LIX1L: variants seen among roughly 807,000 people sequenced by gnomAD.
The protein encoded by LIX1L is limb and CNS expressed 1 like, also known as LIX1-like protein.
LIX1L carries 20 observed loss-of-function variants against 34.0 expected under a neutral mutation model. That is an observed-to-expected ratio of 0.59 (90% CI 0.41 to 0.85). The LOEUF (loss-of-function observed/expected upper bound fraction) is 0.85. LIX1L is among the 40% of genes least tolerant of loss of function. The probability of loss-of-function intolerance (pLI) is 0.00; values close to 1 mark genes in which losing one functional copy is unlikely to be tolerated. For synonymous variants in LIX1L, 170 were observed against 187.4 expected (o/e 0.91, Z 0.76); for missense variants, 397 against 447.0 (o/e 0.89, Z 1.01).
At position 145,936,199 on chromosome 1, in the gene LIX1L, A is replaced by G. The variant is rs1648635074; in HGVS notation, c.*111T>C. Reference sequence around the variant, plus strand: ...AGGTGTAGAATTTATACACATATATATTTTTTAAAGTATAAAAATGAGAAA... The same window carrying G: ...AGGTGTAGAATTTATACACATATATGTTTTTTAAAGTATAAAAATGAGAAA... On this transcript the variant is annotated 3_prime_UTR_variant, in exon 6 of 6. Coordinates refer to ENST00000604000, the MANE Select transcript of LIX1L (RefSeq NM_153713.3). 1.6e-6 allele frequency: 2 copies of G among 1,232,516 alleles called. No homozygotes were observed. The highest frequency in any genetic ancestry group is 2.8e-5 in the Admixed American group (1 of 36,154). The allele number at this position is 1,232,516 out of a possible 1,614,324, so 76.3% of individuals were successfully genotyped here. A position where few individuals can be genotyped will look rare whatever the true frequency, so the allele number is the denominator to read the frequency against.
In LIX1L at chr1:145,957,718, G is replaced by A. The variant is rs1210258938; in HGVS notation, c.210C>T (p.Ala70=). ...CTCGCAGCACTGCCGGGCTGCCGGC[G>A]GCGCCGGGGGGCAGGGGTAGTCCTG... ...GAPGLPLPPG[A]AGSPAVLREA... is the part of the protein sequence containing the mutation. Residue 70 remains alanine (A), a synonymous_variant, in exon 1 of 6, where the codon GCC becomes GCT. Transcript: ENST00000604000. 1 of 1,481,596 alleles carries A rather than the reference G, an allele frequency of 6.7e-7. No individual in the cohort carries two copies. Among genetic ancestry groups the A allele is most frequent in the Non-Finnish European group, 8.9e-7 (1 of 1,121,210 alleles). 91.8% of individuals were successfully genotyped at this position (1,481,596 alleles called of 1,614,324 possible). A position where few individuals can be genotyped will look rare whatever the true frequency, so the allele number is the denominator to read the frequency against.
At chr1:145,941,830 A>G (rs1648930510) in intron 3 of LIX1L, 1 of 152,186 alleles carries the variant, frequency 6.6e-6, no homozygotes, top group South Asian at 2.1e-4. Flanking sequence ...AAATGCATAT[A>G]AATCCCCTAG....
At chr1:145,957,604 T>C in intron 1 of LIX1L, 32 bp downstream of exon 1, 2 of 1,472,868 alleles carry the variant, frequency 1.4e-6, no homozygotes, top group Non-Finnish European at 1.8e-6. Flanking sequence ...TTACAGAGGG[T>C]GTCGCGCAGG....
At chr1:145,955,158 T>C (rs1411620259) in intron 1 of LIX1L, among the ~76,000 whole-genome samples, 1 of 152,182 alleles carries the variant, frequency 6.6e-6, no homozygotes, top group Non-Finnish European at 1.5e-5. Flanking sequence ...TTCTCCAAGA[T>C]CACACAGCCA....
intron 2 of LIX1L, among the ~76,000 whole-genome samples, chr1:145,946,524 A>C (rs992104498): frequency 1.3e-5 from 2 of 152,042 alleles, no homozygotes; most frequent in African/African-American, 2.4e-5. Flanking sequence ...TAAGGGAAAA[A>C]ATTTCATCAC....
intron 2 of LIX1L, among the ~76,000 whole-genome samples, chr1:145,944,892 G>A (rs782612685): frequency 1.3e-5 from 2 of 152,226 alleles, no homozygotes; most frequent in South Asian, 4.1e-4. Flanking sequence ...GCCAGGCATG[G>A]TGGCATATGC....
chr1:145,940,442 G>C (rs1313902596), intron 3 of LIX1L, among the ~76,000 whole-genome samples: 1 of 150,234 alleles, frequency 6.7e-6, no homozygotes, highest in Non-Finnish European at 1.5e-5. Context: ...CATCTCCCAG[G>C]TTCAAGCGAG....
chr1:145,937,757 G>A (rs1648717679), intron 3 of LIX1L, 58 bp from the exon 4 acceptor site: 1 of 1,007,754 alleles, frequency 9.9e-7, no homozygotes, highest in South Asian at 1.3e-5. Context: ...ATCATCTCAA[G>A]CAGCACTGTC....
chr1:145,957,614 G>A, intron 1 of LIX1L, 22 bp downstream of exon 1: 2 of 1,490,212 alleles, frequency 1.3e-6, no homozygotes, highest in South Asian at 2.6e-5. Context: ...TGTCGCGCAG[G>A]AGGCCAGACC....
intron 1 of LIX1L, among the ~76,000 whole-genome samples, chr1:145,955,316 AG>A (rs1471401480): frequency 2.4e-4 from 37 of 152,358 alleles, no homozygotes; most frequent in African/African-American, 8.9e-4. Flanking sequence ...AAAATAAATA[AG>A]TAAATACATA....
intron 1 of LIX1L, among the ~76,000 whole-genome samples, chr1:145,951,273 C>A (rs1278233397): frequency 1.3e-5 from 2 of 152,112 alleles, no homozygotes; most frequent in Non-Finnish European, 2.9e-5. Flanking sequence ...TCTCAAACTC[C>A]TGACCTTAGG....
chr1:145,945,348 C>T, intron 2 of LIX1L, among the ~76,000 whole-genome samples: 1 of 149,576 alleles, frequency 6.7e-6, no homozygotes, highest in South Asian at 2.1e-4. Context: ...AAAGACAATT[C>T]TCCTCTTTCC....
At position 145,936,517 on chromosome 1, in the gene LIX1L, A is replaced by G; in HGVS notation, c.807T>C (p.Asp269=). 6.2e-7 allele frequency: 1 copy of G among 1,614,156 alleles called. No individual in the cohort carries two copies. The highest frequency in any genetic ancestry group is 8.5e-7 in the Non-Finnish European group (1 of 1,180,028). Residue 269 remains aspartate (D), a synonymous_variant, in exon 6 of 6, where the codon GAT becomes GAC. Transcript: ENST00000604000. ...VLAHYSHRAL[D]DDIRHQMALD... ...AGGCCATTTGGTGGCGAATATCATCATCCAGGGCCCGGTGCGAATAATGAG... is the reference window on the plus strand; with the variant it reads ...AGGCCATTTGGTGGCGAATATCATCGTCCAGGGCCCGGTGCGAATAATGAG...
chr1:145,936,082 T>A lies in LIX1L; in HGVS notation c.*228A>T. On this transcript the variant is annotated 3_prime_UTR_variant, in exon 6 of 6. Coordinates refer to ENST00000604000, the MANE Select transcript of LIX1L (RefSeq NM_153713.3). ...TAACAAAGCTGCAAAGACAAGCTGC[T>A]CTTTGTTGTAAAGTGGACTGAAGAT... The A allele has an allele frequency of 1.9e-6, 1 of 519,816 alleles. No individual in the cohort carries two copies. The highest frequency in any genetic ancestry group is 3.4e-6 in the Non-Finnish European group (1 of 298,118). The allele number at this position is 519,816 out of a possible 1,614,324, so 32.2% of individuals were successfully genotyped here. A position where few individuals can be genotyped will look rare whatever the true frequency, so the allele number is the denominator to read the frequency against.
intron 5 of LIX1L, 150 bp from the exon 6 acceptor site, chr1:145,936,702 G>A: frequency 1.1e-6 from 1 of 917,482 alleles, no homozygotes; most frequent in Non-Finnish European, 1.7e-6. Flanking sequence ...GGCACTTCCT[G>A]CTACGGGAAG....
In LIX1L at chr1:145,948,871, T is replaced by G; in HGVS notation, c.293-1089A>C. 6.6e-6 allele frequency: 1 copy of G among 152,322 alleles called. No homozygotes were observed. Among genetic ancestry groups the G allele is most frequent in the Middle Eastern group, 3.4e-3 (1 of 294 alleles). 9.4% of individuals were successfully genotyped at this position (152,322 alleles called of 1,614,324 possible). Reference sequence around the variant, plus strand: ...TTGCTTGCTTCAGCTTGTTGTAAAATGGCAAGTTCCCCAAGCTGTGGGTTC... The same window carrying G: ...TTGCTTGCTTCAGCTTGTTGTAAAAGGGCAAGTTCCCCAAGCTGTGGGTTC... On this transcript the variant is annotated intron_variant, in intron 1 of 5. Transcript: ENST00000604000. The surrounding 1 kb of genome is among the most constrained non-coding windows in gnomAD (Gnocchi z 4.0).
chr1:145,957,876 T>C lies in LIX1L; in HGVS notation c.52A>G (p.Arg18Gly). ...GGCCGCAGCGCTCGGAGAGTGCCCC[T>C]CCCGCTGGTGCCCACACCAGGCTGC... ...RLQPGVGTSGRGTLRALRPGV... is the reference protein window; with the variant it reads ...RLQPGVGTSGGGTLRALRPGV... Residue 18 changes from arginine to glycine, a missense_variant, in exon 1 of 6, where the codon AGG (arginine) becomes GGG (glycine). Transcript: ENST00000604000. The C allele has an allele frequency of 1.4e-6, 2 of 1,477,006 alleles. No individual in the cohort carries two copies. Among genetic ancestry groups the C allele is most frequent in the Non-Finnish European group, 1.8e-6 (2 of 1,116,914 alleles). The allele number at this position is 1,477,006 out of a possible 1,614,324, so 91.5% of individuals were successfully genotyped here.
At chr1:145,937,437 G>T in intron 4 of LIX1L, 167 bp downstream of exon 4, 1 of 535,894 alleles carries the variant, frequency 1.9e-6, no homozygotes, top group South Asian at 2.3e-5. Context: ...GGGATTACAG[G>T]CCTGAGCCAC....
Position 145,936,475 on chromosome 1 carries a change from C to T in LIX1L, c.849G>A (p.Arg283=), listed in dbSNP as rs1553757830. The part of the protein sequence containing the change: ...RHQMALDWVS[R]EQSVPGALSR... ...ACAGTGCCCCCGGCACACTCTGCTC[C>T]CGGCTCACCCAGTCCAAGGCCATTT... The change falls in exon 6 of 6, where the codon CGG becomes CGA. Residue 283 remains arginine, a synonymous_variant. Coordinates refer to ENST00000604000, the MANE Select transcript of LIX1L (RefSeq NM_153713.3). 1.9e-6 allele frequency: 3 copies of T among 1,614,216 alleles called. No individual in the cohort carries two copies. Among genetic ancestry groups the T allele is most frequent in the Non-Finnish European group, 2.5e-6 (3 of 1,180,050 alleles).
Sources: allele counts gnomAD v4.1 joint callset (sites outside exome capture counted in the v4.1 genomes callset), GRCh38; gene constraint gnomAD v4.1.1; non-coding constraint Gnocchi (gnomAD v3.1); transcripts MANE v1.5; gene names NCBI Gene and HGNC (gene_info 2026-07-23, HGNC 2026-07-21).